Variants in CCSER1 observed in about 807,000 individuals in gnomAD.
The protein encoded by CCSER1 is coiled-coil serine rich protein 1.
Under a neutral mutation model 82.0 loss-of-function variants are expected in CCSER1, and 41 were observed. That is an observed-to-expected ratio of 0.50 (90% CI 0.39 to 0.65). The LOEUF is 0.65. Ranked by LOEUF, CCSER1 falls within the 30% of genes least tolerant of loss-of-function variation. The pLI is 0.00. For synonymous variants in CCSER1, 414 were observed against 383.9 expected (o/e 1.08, Z -0.92); for missense variants, 1,119 against 1,064.2 (o/e 1.05, Z -0.72).
intron 1 of CCSER1, among the ~76,000 whole-genome samples, chr4:90,208,716 C>T (rs1385779475): frequency 6.6e-6 from 1 of 152,094 alleles, no homozygotes; most frequent in Non-Finnish European, 1.5e-5. Context: ...TGCACTGTTC[C>T]TCACAGTACA....
chr4:91,063,421 T>C (rs1744119167), intron 9 of CCSER1, among the ~76,000 whole-genome samples: 1 of 152,184 alleles, frequency 6.6e-6, no homozygotes, highest in African/African-American at 2.4e-5. Context: ...ATCATCATTC[T>C]TTAACACATA....
intron 5 of CCSER1, among the ~76,000 whole-genome samples, chr4:90,555,170 T>C (rs1777981399): frequency 6.6e-6 from 1 of 152,186 alleles, no homozygotes; most frequent in African/African-American, 2.4e-5. Context: ...ATATAAAGCT[T>C]TGAAAAGAAA....
rs145175934 is a variant in CCSER1, at chr4:90,943,051, T to C, written c.2172+19604T>C. ...ACAGCCTGGAAGGTATATGTGCTAATAAATTTTGAATATAATGGTCGGGGA... is the reference window on the plus strand; with the variant it reads ...ACAGCCTGGAAGGTATATGTGCTAACAAATTTTGAATATAATGGTCGGGGA... On this transcript the variant is annotated intron_variant, in intron 9 of 10. Coordinates refer to ENST00000509176, the MANE Select transcript of CCSER1 (RefSeq NM_001145065.2). 6.6e-5 allele frequency among the ~76,000 whole-genome samples: 10 copies of C among 151,700 alleles called. No individual in the cohort carries two copies. The East Asian group carries it at 1.9e-3, about 29-fold the overall frequency.
intron 10 of CCSER1, among the ~76,000 whole-genome samples, chr4:91,153,676 C>T (rs566090742): frequency 4.6e-5 from 7 of 151,810 alleles, no homozygotes; most frequent in Non-Finnish European, 8.8e-5. Flanking sequence ...TGTGACATAC[C>T]GATGGTGTTT....
chr4:90,295,782 C>T (rs1731776860), intron 1 of CCSER1, among the ~76,000 whole-genome samples: 1 of 152,022 alleles, frequency 6.6e-6, no homozygotes, highest in Non-Finnish European at 1.5e-5. Flanking sequence ...CAGTCTGAAG[C>T]TAGTGTCCAG....
intron 10 of CCSER1, among the ~76,000 whole-genome samples, chr4:91,428,160 G>T (rs1754098519): frequency 6.6e-6 from 1 of 151,850 alleles, no homozygotes; most frequent in Non-Finnish European, 1.5e-5. Flanking sequence ...CTCAATCTTG[G>T]CTATAGCATT....
At chr4:90,755,580 A>G (rs2149498382) in intron 7 of CCSER1, among the ~76,000 whole-genome samples, 1 of 152,344 alleles carries the variant, frequency 6.6e-6, no homozygotes, top group East Asian at 1.9e-4. Context: ...AAAAACAAGA[A>G]AAATGAACGT....
chr4:90,565,606 C>T (rs1399505826), intron 5 of CCSER1, among the ~76,000 whole-genome samples: 1 of 152,164 alleles, frequency 6.6e-6, no homozygotes, highest in Non-Finnish European at 1.5e-5. Context: ...GTGGAAAAGT[C>T]TTTAGCTGTT....
chr4:90,412,586 G>A (rs1755056769), intron 4 of CCSER1, among the ~76,000 whole-genome samples: 2 of 149,266 alleles, frequency 1.3e-5, no homozygotes, highest in African/African-American at 4.9e-5. Flanking sequence ...TACGAGGGAT[G>A]CAGGGATGGT....
intron 9 of CCSER1, among the ~76,000 whole-genome samples, chr4:90,947,716 T>C (rs1732426086): frequency 6.6e-6 from 1 of 152,158 alleles, no homozygotes; most frequent in Non-Finnish European, 1.5e-5. Flanking sequence ...GTCATTTATC[T>C]CCTTACAACC....
At chr4:90,777,187 T>A (rs1187748854) in intron 7 of CCSER1, among the ~76,000 whole-genome samples, 1 of 151,650 alleles carries the variant, frequency 6.6e-6, no homozygotes, top group Non-Finnish European at 1.5e-5. Flanking sequence ...TGAAACCCCA[T>A]CTCTACTAAA....
intron 8 of CCSER1, among the ~76,000 whole-genome samples, chr4:90,851,102 T>C (rs1487352521): frequency 2.6e-5 from 4 of 152,206 alleles, no homozygotes; most frequent in African/African-American, 9.6e-5. Flanking sequence ...AGAGGTGCCT[T>C]CCACCACGAT....
chr4:90,921,817 G>C (rs933937155), intron 8 of CCSER1, among the ~76,000 whole-genome samples: 2 of 151,942 alleles, frequency 1.3e-5, no homozygotes, highest in African/African-American at 4.8e-5. Flanking sequence ...ATGTACTTAT[G>C]ATTCTAATCT....
intron 10 of CCSER1, among the ~76,000 whole-genome samples, chr4:91,407,831 G>A (rs545727130): frequency 3.0e-4 from 46 of 152,260 alleles, no homozygotes; most frequent in African/African-American, 6.7e-4. Flanking sequence ...CCCAGGAGGC[G>A]CCACTTCCAA....
At chr4:90,796,752 T>C (rs1263972440) in intron 7 of CCSER1, among the ~76,000 whole-genome samples, 1 of 152,230 alleles carries the variant, frequency 6.6e-6, no homozygotes, top group Non-Finnish European at 1.5e-5. Context: ...CAAAAAGTCA[T>C]TCAGGAGAAA....
intron 10 of CCSER1, among the ~76,000 whole-genome samples, chr4:91,268,806 A>G (rs1301739917): frequency 6.6e-6 from 1 of 152,150 alleles, no homozygotes; most frequent in Non-Finnish European, 1.5e-5. Flanking sequence ...CACAAGGTTA[A>G]TCAATCAGTT....
Position 90,954,019 on chromosome 4 carries a change from C to G in CCSER1, c.2172+30572C>G, listed in dbSNP as rs74345122. On this transcript the variant is annotated intron_variant, in intron 9 of 10. Transcript: ENST00000509176. ...AAAAGTAGCATACAGCTTCTACTAT[C>G]GGATTGAATGCTTACCAATTTGGAA... Among the ~76,000 whole-genome samples, 1,110 of 151,838 alleles carry G rather than the reference C, an allele frequency of 7.3e-3. 5 individuals are homozygous for G. Among genetic ancestry groups the G allele is most frequent in the African/African-American group, 0.026 (1,071 of 41,494 alleles).
intron 5 of CCSER1, among the ~76,000 whole-genome samples, chr4:90,573,854 A>G (rs2148587650): frequency 6.6e-6 from 1 of 152,346 alleles, no homozygotes; most frequent in East Asian, 1.9e-4. Flanking sequence ...TTTTAGATCC[A>G]TCAATTCATA....
In CCSER1 at chr4:90,177,733, A is replaced by G. The variant is rs148526858; in HGVS notation, c.-42+49902A>G. Among the ~76,000 whole-genome samples, 1,294 of 152,196 alleles carry G rather than the reference A, an allele frequency of 8.5e-3. 25 individuals carry two copies. The highest frequency in any genetic ancestry group is 0.03 in the African/African-American group (1,238 of 41,552). On this transcript the variant is annotated intron_variant, in intron 1 of 10. Transcript: ENST00000509176. Reference sequence around the variant, plus strand: ...TTTTCTTCACAAGACTAGCTCTTTCATATGCGTTTTCCGTGTATACAAAAT... The same window carrying G: ...TTTTCTTCACAAGACTAGCTCTTTCGTATGCGTTTTCCGTGTATACAAAAT...
Sources: allele counts gnomAD v4.1 joint callset (sites outside exome capture counted in the v4.1 genomes callset), GRCh38; gene constraint gnomAD v4.1.1; transcripts MANE v1.5; gene names NCBI Gene and HGNC (gene_info 2026-07-23, HGNC 2026-07-21).